ACYP2: variants seen among roughly 807,000 people sequenced by gnomAD.
The protein encoded by ACYP2 is acylphosphatase 2.
In ACYP2, 12 loss-of-function variants were observed where a neutral mutation model predicts 11.2. The ratio of observed to expected loss-of-function variants is 1.08; its 90% CI spans 0.69 to 1.74. The LOEUF is 1.74. Among genes scored for constraint, ACYP2 ranks in the 40% most tolerant of loss-of-function variants. ACYP2 has a pLI of 0.00. For missense variants in ACYP2, 134 were observed against 101.9 expected, an observed-to-expected ratio of 1.31 and a Z score of -1.35; for synonymous variants, 43 against 32.2, an observed-to-expected ratio of 1.33 and a Z score of -1.13.
At chr2:54,057,408 C>T (rs913561907) in intron 4 of ACYP2, 5 of 395,772 alleles carry the variant, frequency 1.3e-5, no homozygotes, top group Non-Finnish European at 4.5e-6. Context: ...CTACCTTTTA[C>T]AGTTCATCAG....
intron 6 of ACYP2, among the ~76,000 whole-genome samples, chr2:54,270,470 T>C (rs942262450): frequency 6.6e-5 from 10 of 152,324 alleles, no homozygotes; most frequent in Admixed American, 3.3e-4. Context: ...TAGCCAGACA[T>C]GGTGGCACAC....
At chr2:54,119,961 C>T (rs1680049090) in intron 4 of ACYP2, among the ~76,000 whole-genome samples, 1 of 152,140 alleles carries the variant, frequency 6.6e-6, no homozygotes, top group Non-Finnish European at 1.5e-5. Context: ...AGAATGCTCC[C>T]CAATTGGGAT....
rs151288936 is a variant in ACYP2 at position 54,252,712 on chromosome 2, T to C, written c.405-51976T>C. Among the ~76,000 whole-genome samples, 748 of 152,190 alleles carry C rather than the reference T, an allele frequency of 4.9e-3. 3 individuals are homozygous for C. The highest frequency in any genetic ancestry group is 0.017 in the African/African-American group (695 of 41,536). On this transcript the variant is annotated intron_variant, in intron 6 of 6. Coordinates refer to ENST00000607452, the MANE Select transcript of ACYP2 (RefSeq NM_001320586.2). ...AGGTCAGGAGATTTGAGTCCATCCTTGTTAACACGGTGAAACCCCGTCTCT... is the reference window on the plus strand; with the variant it reads ...AGGTCAGGAGATTTGAGTCCATCCTCGTTAACACGGTGAAACCCCGTCTCT...
At chr2:54,177,040 TG>T (rs1483487365) in intron 6 of ACYP2, among the ~76,000 whole-genome samples, 2 of 152,206 alleles carry the variant, frequency 1.3e-5, no homozygotes, top group East Asian at 3.8e-4. Context: ...ACCTGACCTA[TG>T]ACATATACAG....
intron 2 of ACYP2, among the ~76,000 whole-genome samples, chr2:54,006,997 T>G (rs566475421): frequency 1.3e-5 from 2 of 151,664 alleles, no homozygotes; most frequent in Admixed American, 1.3e-4. Context: ...TGGTGGCATG[T>G]GCCTGTAATC....
At chr2:54,212,121 G>C (rs1273888975) in intron 6 of ACYP2, among the ~76,000 whole-genome samples, 5 of 152,150 alleles carry the variant, frequency 3.3e-5, no homozygotes, top group Non-Finnish European at 7.4e-5. Flanking sequence ...TAGTTTTTTA[G>C]CAGAGGCAAA....
intron 6 of ACYP2, among the ~76,000 whole-genome samples, chr2:54,207,732 T>G (rs1685140506): frequency 6.6e-6 from 1 of 152,176 alleles, no homozygotes; most frequent in African/African-American, 2.4e-5. Flanking sequence ...CAAAATTGAG[T>G]GAATAGGACA....
chr2:54,264,926 GAAGTC>G (rs1573015774), intron 6 of ACYP2, among the ~76,000 whole-genome samples: 1 of 152,166 alleles, frequency 6.6e-6, no homozygotes, highest in African/African-American at 2.4e-5. Flanking sequence ...TTAGTATTTA[GAAGTC>G]AAGTGTTAAG....
At chr2:54,020,874 AG>A (rs1673970816) in intron 2 of ACYP2, among the ~76,000 whole-genome samples, 1 of 152,228 alleles carries the variant, frequency 6.6e-6, no homozygotes, top group Non-Finnish European at 1.5e-5. Flanking sequence ...GAAATACCAA[AG>A]GTCATTTGTG....
intron 6 of ACYP2, among the ~76,000 whole-genome samples, chr2:54,185,909 TATA>T (rs1683967839): frequency 5.9e-5 from 9 of 151,956 alleles, no homozygotes; most frequent in Admixed American, 5.9e-4. Context: ...CAAGGAATAC[TATA>T]AGCAAAAGGT....
chr2:54,039,233 T>TC (rs1675088545), intron 2 of ACYP2, among the ~76,000 whole-genome samples: 1 of 151,674 alleles, frequency 6.6e-6, no homozygotes, highest in African/African-American at 2.4e-5. Flanking sequence ...TTTTTTTTTT[T>TC]TTCCCCAGCC....
In ACYP2 at chr2:54,192,451, T is replaced by G. The variant is rs180899534; in HGVS notation, c.404+53703T>G. On this transcript the variant is annotated intron_variant, in intron 6 of 6. Coordinates refer to ENST00000607452, the MANE Select transcript of ACYP2 (RefSeq NM_001320586.2). ...GGTGCTTTTCAAAATTAAAAATTAC[T>G]AGTCTGTGAAATCCGAAAGTCTGAG... 1.1e-4 allele frequency among the ~76,000 whole-genome samples: 16 copies of G among 152,318 alleles called. 1 individual carries two copies. In the East Asian group the frequency reaches 3.1e-3, roughly 29 times the overall value.
At position 54,255,396 on chromosome 2, in the gene ACYP2, C is replaced by G. The variant is rs1687451965; in HGVS notation, c.405-49292C>G. The G allele has an allele frequency of 2.5e-6, 4 of 1,613,902 alleles. No individual in the cohort carries two copies. In the African/African-American group the frequency reaches 4.0e-5, roughly 16 times the overall value. On this transcript the variant is annotated intron_variant, in intron 6 of 6. Coordinates refer to ENST00000607452, the MANE Select transcript of ACYP2 (RefSeq NM_001320586.2). The stretch of plus-strand genomic sequence containing the variant: ...GTGGGTGGTGGCGGAAAGCAGTGAC[C>G]CAGAAGCCCGGGATATTGCGAATGA...
intron 4 of ACYP2, among the ~76,000 whole-genome samples, chr2:54,082,095 C>A (rs1572710310): frequency 6.6e-6 from 1 of 152,286 alleles, no homozygotes; most frequent in South Asian, 2.1e-4. Flanking sequence ...TGAATCCTAA[C>A]CCTGATCTGA....
intron 6 of ACYP2, among the ~76,000 whole-genome samples, chr2:54,195,306 G>T (rs1684417030): frequency 6.6e-6 from 1 of 152,104 alleles, no homozygotes; most frequent in Non-Finnish European, 1.5e-5. Context: ...CTTCTTTGTT[G>T]CTAGTGATAA....
intron 6 of ACYP2, among the ~76,000 whole-genome samples, chr2:54,193,801 T>C (rs533451081): frequency 4.5e-4 from 68 of 152,326 alleles, no homozygotes; most frequent in African/African-American, 1.5e-3. Context: ...GATATTACTG[T>C]TGTCTTTATA....
chr2:54,124,216 C>T (rs1172175400), intron 4 of ACYP2, among the ~76,000 whole-genome samples: 4 of 147,552 alleles, frequency 2.7e-5, no homozygotes. Context: ...TTTTTTGAGA[C>T]AGAGTTTCAT....
chr2:54,112,566 A>G (rs1292611785), intron 4 of ACYP2, among the ~76,000 whole-genome samples: 1 of 152,246 alleles, frequency 6.6e-6, no homozygotes, highest in African/African-American at 2.4e-5. Context: ...GTAGTGAAAA[A>G]TGAGAAGCAG....
Position 54,065,711 on chromosome 2 carries a change from C to T in ACYP2, c.277+8351C>T, listed in dbSNP as rs550037750. 4 of 389,286 alleles carry T rather than the reference C, an allele frequency of 1.0e-5. No individual in the cohort carries two copies. The South Asian group carries it at 5.8e-4, about 56-fold the overall frequency. The allele number at this position is 389,286 out of a possible 1,614,324, so 24.1% of individuals were successfully genotyped here. ...ATTGGTGAATAAAATGTTTAACAGG[C>T]TGTAGCCGGAAAGTGATATGAAGCA... On this transcript the variant is annotated intron_variant, in intron 4 of 6. Transcript: ENST00000607452.
Sources: allele counts gnomAD v4.1 joint callset (sites outside exome capture counted in the v4.1 genomes callset), GRCh38; gene constraint gnomAD v4.1.1; transcripts MANE v1.5; gene names NCBI Gene and HGNC (gene_info 2026-07-23, HGNC 2026-07-21).